FGF14: variants seen among roughly 807,000 people sequenced by gnomAD.
The protein encoded by FGF14 is fibroblast growth factor 14.
A neutral mutation model predicts 25.5 loss-of-function variants in FGF14; 5 were observed. The ratio of observed to expected loss-of-function variants is 0.20; its 90% CI spans 0.10 to 0.41. FGF14 has a LOEUF of 0.41. Among genes scored for constraint, FGF14 ranks in the 10% least tolerant of loss-of-function variants. The probability of loss-of-function intolerance (pLI) is 1.00; values close to 1 mark genes in which losing one functional copy is unlikely to be tolerated. For missense variants in FGF14, 222 were observed against 320.1 expected, an observed-to-expected ratio of 0.69 and a Z score of 2.34; for synonymous variants, 138 against 118.3, an observed-to-expected ratio of 1.17 and a Z score of -1.08.
At chr13:101,921,456 C>T (rs1035378334), upstream of FGF14, among the ~76,000 whole-genome samples, 1 of 152,182 alleles carries the variant, frequency 6.6e-6, no homozygotes, top group East Asian at 1.9e-4. Flanking sequence ...ATTCTTGTTC[C>T]TCAGGCTGAA....
intron 1 of FGF14, among the ~76,000 whole-genome samples, chr13:102,272,733 C>A (rs1465858834): frequency 6.6e-6 from 1 of 151,806 alleles, no homozygotes; most frequent in Non-Finnish European, 1.5e-5. Context: ...AATAACTAGC[C>A]CAAGATCGTA....
At chr13:102,350,980 C>G (rs553515840) in intron 1 of FGF14, among the ~76,000 whole-genome samples, 82 of 152,280 alleles carry the variant, frequency 5.4e-4, no homozygotes, top group Non-Finnish European at 9.6e-4. Flanking sequence ...TCCACCACAA[C>G]ACCCACGTTG....
At chr13:101,809,491 A>G (rs918772340) in intron 3 of FGF14, among the ~76,000 whole-genome samples, 2 of 152,132 alleles carry the variant, frequency 1.3e-5, no homozygotes, top group Non-Finnish European at 2.9e-5. Flanking sequence ...CTGCTTCAGT[A>G]AACAGTTGTA....
At chr13:101,966,936 A>C (rs1594854982) in intron 1 of FGF14, among the ~76,000 whole-genome samples, 1 of 152,286 alleles carries the variant, frequency 6.6e-6, no homozygotes, top group African/African-American at 2.4e-5. Context: ...GGAATGCCTA[A>C]GAATATTACT....
chr13:102,041,339 A>C (rs909604427), intron 1 of FGF14, among the ~76,000 whole-genome samples: 1 of 151,934 alleles, frequency 6.6e-6, no homozygotes, highest in Non-Finnish European at 1.5e-5. Flanking sequence ...AAACTTTAGA[A>C]AAATGGGAGT....
chr13:101,890,271 C>T (rs1371047449), intron 1 of FGF14, among the ~76,000 whole-genome samples: 1 of 152,050 alleles, frequency 6.6e-6, no homozygotes, highest in Non-Finnish European at 1.5e-5. Context: ...GACTTTCTTT[C>T]TTTCTTAAGC....
chr13:102,212,557 A>G (rs754839523), intron 1 of FGF14, among the ~76,000 whole-genome samples: 1 of 152,154 alleles, frequency 6.6e-6, no homozygotes, highest in Non-Finnish European at 1.5e-5. Context: ...GTGAGGAACC[A>G]TATCTCTCTT....
chr13:101,711,242 G>T lies in FGF14; in HGVS notation c.*11589C>A, dbSNP rs2034452599. 6.6e-6 allele frequency: 1 copy of T among 152,162 alleles called. No individual in the cohort carries two copies. The highest frequency in any genetic ancestry group is 1.5e-5 in the Non-Finnish European group (1 of 68,046). 9.4% of individuals were successfully genotyped at this position (152,162 alleles called of 1,614,324 possible). A position where few individuals can be genotyped will look rare whatever the true frequency, so the allele number is the denominator to read the frequency against. ...CTTCAAGCTAGATCCAGATAATCAC[G>T]TCCAATCTTCTTACAGATGCTGTTG... On this transcript the variant is annotated 3_prime_UTR_variant, in exon 5 of 5. Coordinates refer to ENST00000376143, the MANE Select transcript of FGF14 (RefSeq NM_004115.4).
chr13:102,253,948 T>C (rs1350593338), intron 1 of FGF14, among the ~76,000 whole-genome samples: 1 of 152,220 alleles, frequency 6.6e-6, no homozygotes, highest in African/African-American at 2.4e-5. Context: ...TTCTTGTCCC[T>C]CCTCTCAATA....
intron 3 of FGF14, among the ~76,000 whole-genome samples, chr13:101,807,258 G>T (rs1244588573): frequency 6.6e-6 from 1 of 152,030 alleles, no homozygotes; most frequent in African/African-American, 2.4e-5. Flanking sequence ...TCATTGAAAA[G>T]AATTAGAGTT....
chr13:101,880,217 C>T (rs2045626531), intron 1 of FGF14, among the ~76,000 whole-genome samples: 1 of 152,094 alleles, frequency 6.6e-6, no homozygotes, highest in Non-Finnish European at 1.5e-5. Context: ...AGCTCTCCAC[C>T]ACTTCTCTGC....
At chr13:102,284,346 G>A (rs1285866627) in intron 1 of FGF14, among the ~76,000 whole-genome samples, 5 of 152,106 alleles carry the variant, frequency 3.3e-5, no homozygotes, top group Admixed American at 3.3e-4. Context: ...TTGATGACGG[G>A]AATGACTTAG....
chr13:101,761,935 C>T lies in FGF14; in HGVS notation c.409-35125G>A, dbSNP rs538791319. The stretch of plus-strand genomic sequence containing the variant: ...ACACAAGAGTCCCTAAGAGAGAGGC[C>T]GCCAGGGAGTTAGAATTGGACAGGA... On this transcript the variant is annotated intron_variant, in intron 3 of 4. Coordinates refer to ENST00000376143, the MANE Select transcript of FGF14 (RefSeq NM_004115.4). Among the ~76,000 whole-genome samples, 35 of 152,198 alleles carry T rather than the reference C, an allele frequency of 2.3e-4. No homozygotes were observed. In the South Asian group the frequency reaches 2.5e-3, roughly 11 times the overall value.
intron 1 of FGF14, among the ~76,000 whole-genome samples, chr13:101,940,355 T>C (rs901887952): frequency 6.6e-6 from 1 of 152,176 alleles, no homozygotes; most frequent in African/African-American, 2.4e-5. Context: ...AAGCATTCAA[T>C]AGAGCCTTAA....
At chr13:102,267,819 T>C (rs982890856) in intron 1 of FGF14, among the ~76,000 whole-genome samples, 2 of 152,160 alleles carry the variant, frequency 1.3e-5, no homozygotes, top group Non-Finnish European at 2.9e-5. Context: ...TAGTAATTTC[T>C]AAGTTTCAAA....
At chr13:102,159,402 C>T (rs751064414) in intron 1 of FGF14, among the ~76,000 whole-genome samples, 11 of 152,162 alleles carry the variant, frequency 7.2e-5, no homozygotes, top group Non-Finnish European at 1.3e-4. Flanking sequence ...AACACGGCAT[C>T]AGTACAGAGT....
intron 1 of FGF14, among the ~76,000 whole-genome samples, chr13:102,342,051 T>C (rs2056968064): frequency 6.6e-6 from 1 of 152,194 alleles, no homozygotes; most frequent in African/African-American, 2.4e-5. Flanking sequence ...AAGTTTCTGT[T>C]GATTTCAGTA....
chr13:101,848,004 G>A (rs188979624), intron 3 of FGF14, among the ~76,000 whole-genome samples: 4 of 152,084 alleles, frequency 2.6e-5, no homozygotes, highest in East Asian at 1.9e-4. Context: ...ATTTGTCAAC[G>A]CAAGCAGGGA....
At chr13:102,259,947 C>G (rs1467017044) in intron 1 of FGF14, among the ~76,000 whole-genome samples, 1 of 152,190 alleles carries the variant, frequency 6.6e-6, no homozygotes. Flanking sequence ...TTCTTCAGTC[C>G]TCACCGGACA....
Sources: gnomAD v4.1 joint callset for allele counts (sites outside exome capture counted in the v4.1 genomes callset) on GRCh38, gnomAD v4.1.1 for gene constraint, MANE v1.5 for transcripts, NCBI Gene and HGNC (gene_info 2026-07-23, HGNC 2026-07-21) for gene names.